NDUFA5: variants seen among roughly 807,000 people sequenced by gnomAD.
NDUFA5 encodes NADH dehydrogenase [ubiquinone] 1 alpha subcomplex subunit 5.
A neutral mutation model predicts 19.8 loss-of-function variants in NDUFA5; 11 were observed. The observed-to-expected ratio is 0.56, with a 90% CI of 0.35 to 0.92. The LOEUF (loss-of-function observed/expected upper bound fraction) is 0.92, where lower values mean the gene tolerates loss of function less well. Ranked by LOEUF, NDUFA5 falls within the 40% of genes least tolerant of loss-of-function variation. The pLI, the probability that NDUFA5 is intolerant of heterozygous loss-of-function variation, is 0.01. For missense variants in NDUFA5, 109 were observed against 134.2 expected (o/e 0.81, Z 0.93); for synonymous variants, 47 against 46.8 (o/e 1.00, Z -0.01).
At chr7:123,578,080 C>T in the NDUFA5 span, among the ~76,000 whole-genome samples, 1 of 149,388 alleles carries the variant, frequency 6.7e-6, no homozygotes, top group African/African-American at 2.5e-5. Context: ...GTGTGAAGTT[C>T]CCCTCCCTGT....
At chr7:123,556,607 C>CAAAA in intron 2 of NDUFA5, 3 of 192,400 alleles carry the variant, frequency 1.6e-5, no homozygotes, top group Non-Finnish European at 3.1e-5. Context: ...TCAAATGTGT[C>CAAAA]AAAAAAAAAA....
chr7:123,580,395 GC>G, the NDUFA5 span, among the ~76,000 whole-genome samples: 1 of 152,070 alleles, frequency 6.6e-6, no homozygotes, highest in African/African-American at 2.4e-5. Flanking sequence ...AACTTGCTAG[GC>G]ACAGGAGAGG....
chr7:123,565,150 A>G, the NDUFA5 span, among the ~76,000 whole-genome samples: 1 of 152,180 alleles, frequency 6.6e-6, no homozygotes, highest in Non-Finnish European at 1.5e-5. Context: ...TCCAAGAGTA[A>G]GAGCACTGAT....
the NDUFA5 span, among the ~76,000 whole-genome samples, chr7:123,591,693 C>T: frequency 4.1e-4 from 63 of 152,140 alleles, no homozygotes; most frequent in African/African-American, 1.4e-3. Flanking sequence ...TTGCTGGATT[C>T]GGTTTGCCAG....
chr7:123,600,892 A>G, the NDUFA5 span, among the ~76,000 whole-genome samples: 1 of 152,212 alleles, frequency 6.6e-6, no homozygotes, highest in Non-Finnish European at 1.5e-5. Context: ...TAGTGCTCCC[A>G]GTAGCTTAAG....
chr7:123,560,894 G>T (rs114065592), upstream of NDUFA5, among the ~76,000 whole-genome samples: 287 of 152,194 alleles, frequency 1.9e-3, no homozygotes, highest in African/African-American at 6.7e-3. Flanking sequence ...ACAAAAATAT[G>T]CTCTAGTCTA....
the NDUFA5 span, among the ~76,000 whole-genome samples, chr7:123,566,397 G>A: frequency 0.27 from 40,540 of 151,824 alleles, 5,535 homozygotes; most frequent in East Asian, 0.32. Context: ...CACTCAATTT[G>A]TGGCACTTTT....
intron 3 of NDUFA5, chr7:123,546,762 T>C: frequency 8.9e-7 from 1 of 1,128,348 alleles, no homozygotes; most frequent in Non-Finnish European, 1.2e-6. Flanking sequence ...TTTCAAATCT[T>C]TGCTCAAATA....
chr7:123,589,929 CCCA>C, the NDUFA5 span, among the ~76,000 whole-genome samples: 1 of 152,184 alleles, frequency 6.6e-6, no homozygotes, highest in African/African-American at 2.4e-5. Context: ...AATTTACACT[CCCA>C]CCAACAGTGT....
the NDUFA5 span, among the ~76,000 whole-genome samples, chr7:123,565,875 C>T: frequency 6.6e-6 from 1 of 152,042 alleles, no homozygotes; most frequent in African/African-American, 2.4e-5. Flanking sequence ...AAAAATTAGC[C>T]AGGCGTGGTG....
the NDUFA5 span, among the ~76,000 whole-genome samples, chr7:123,568,066 T>C: frequency 6.6e-6 from 1 of 152,120 alleles, no homozygotes; most frequent in South Asian, 2.1e-4. Flanking sequence ...TGGGCTGAAA[T>C]TCAAATAAAA....
chr7:123,549,621 T>C (rs1798259554), intron 3 of NDUFA5, among the ~76,000 whole-genome samples: 2 of 151,900 alleles, frequency 1.3e-5, no homozygotes, highest in African/African-American at 4.8e-5. Flanking sequence ...TACAAAAAAT[T>C]TTAAAAATTA....
the NDUFA5 span, among the ~76,000 whole-genome samples, chr7:123,578,040 CT>C: frequency 1.6e-4 from 25 of 151,686 alleles, no homozygotes; most frequent in African/African-American, 5.8e-4. Flanking sequence ...TATCCCTCCC[CT>C]AGCCCCCCAC....
intron 2 of NDUFA5, 135 bp downstream of exon 2, chr7:123,557,269 G>T: frequency 1.6e-6 from 2 of 1,243,380 alleles, no homozygotes. Context: ...GACAGCGCCC[G>T]TGTCTCAAGA....
chr7:123,547,529 T>C lies in NDUFA5; in HGVS notation c.184-1853A>G, dbSNP rs147302945. On this transcript the variant is annotated intron_variant, in intron 3 of 4. Transcript: ENST00000355749. The stretch of plus-strand genomic sequence containing the variant: ...TACATGGCATTCAATAAATGTTTCT[T>C]GGTTAAAGAAGTGAATACATAAAAA... Among the ~76,000 whole-genome samples, 361 of 152,286 alleles carry C rather than the reference T, an allele frequency of 2.4e-3. 3 individuals carry two copies. The highest frequency in any genetic ancestry group is 8.3e-3 in the African/African-American group (347 of 41,562).
At chr7:123,554,654 T>C (rs1798473239) in intron 2 of NDUFA5, 1 of 152,266 alleles carries the variant, frequency 6.6e-6, no homozygotes, top group East Asian at 1.9e-4. Flanking sequence ...ATTGTTATAA[T>C]TGTTCTATTT....
At chr7:123,597,401 T>C in the NDUFA5 span, among the ~76,000 whole-genome samples, 1 of 152,234 alleles carries the variant, frequency 6.6e-6, no homozygotes, top group Non-Finnish European at 1.5e-5. Context: ...ATTATTAGTA[T>C]TGTTGTTAAT....
chr7:123,584,093 T>C, the NDUFA5 span, among the ~76,000 whole-genome samples: 4 of 151,804 alleles, frequency 2.6e-5, no homozygotes, highest in African/African-American at 9.7e-5. Flanking sequence ...GTTTTAAGTA[T>C]CACTAATTTA....
chr7:123,597,917 C>CGTGTGTGTGTGTATGTGTGT, the NDUFA5 span, among the ~76,000 whole-genome samples: 29 of 133,072 alleles, frequency 2.2e-4, no homozygotes, highest in African/African-American at 5.2e-4. Flanking sequence ...TTTCAAACTT[C>CGTGTGTGTGTGTATGTGTGT]GTGTGTGTGT....
Sources: gnomAD v4.1 joint callset for allele counts (sites outside exome capture counted in the v4.1 genomes callset) on GRCh38, gnomAD v4.1.1 for gene constraint, MANE v1.5 for transcripts, NCBI Gene and HGNC (gene_info 2026-07-23, HGNC 2026-07-21) for gene names.